Variants in DYNC2I2 observed in about 807,000 individuals in gnomAD.
DYNC2I2 encodes dynein 2 intermediate chain 2.
A neutral mutation model predicts 52.0 loss-of-function variants in DYNC2I2; 39 were observed. The ratio of observed to expected loss-of-function variants is 0.75; its 90% CI spans 0.58 to 0.98. DYNC2I2 has a LOEUF of 0.98. Ranked by LOEUF, DYNC2I2 falls within the 50% of genes least tolerant of loss-of-function variation. The pLI, the probability that DYNC2I2 is intolerant of heterozygous loss-of-function variation, is 0.00. For synonymous variants in DYNC2I2, 359 were observed against 321.1 expected (o/e 1.12, Z -1.26); for missense variants, 743 against 728.4 (o/e 1.02, Z -0.23).
chr9:128,679,403 C>T, the DYNC2I2 span, among the ~76,000 whole-genome samples: 42 of 152,246 alleles, frequency 2.8e-4, no homozygotes, highest in Admixed American at 7.2e-4. Context: ...CCAGAGAAAG[C>T]TCAGCTTTTT....
At chr9:128,640,383 C>T (rs1043027021) in intron 2 of DYNC2I2, among the ~76,000 whole-genome samples, 6 of 152,184 alleles carry the variant, frequency 3.9e-5, no homozygotes, top group East Asian at 1.9e-4. Context: ...GCAGGGCAGC[C>T]GGGCCACCCA....
chr9:128,640,323 T>C (rs531946618), intron 2 of DYNC2I2, among the ~76,000 whole-genome samples: 3 of 152,288 alleles, frequency 2.0e-5, no homozygotes, highest in African/African-American at 7.2e-5. Context: ...GAGACATTCT[T>C]AAACTGTGCC....
chr9:128,656,244 G>T (rs1173184185), intron 1 of DYNC2I2, among the ~76,000 whole-genome samples: 2 of 151,890 alleles, frequency 1.3e-5, no homozygotes, highest in African/African-American at 4.8e-5. Context: ...AAAAAAAGTT[G>T]TTTGAAATGC....
At chr9:128,667,114 G>C in the DYNC2I2 span, among the ~76,000 whole-genome samples, 42 of 150,442 alleles carry the variant, frequency 2.8e-4, no homozygotes, top group African/African-American at 1.0e-3. Flanking sequence ...CAGGAGAATC[G>C]CTTGAACCCG....
chr9:128,661,974 G>A, the DYNC2I2 span, among the ~76,000 whole-genome samples: 1 of 152,018 alleles, frequency 6.6e-6, no homozygotes, highest in Non-Finnish European at 1.5e-5. Context: ...CCTGGGAGGT[G>A]GAGGTTGCTG....
intron 2 of DYNC2I2, 37 bp downstream of exon 2, chr9:128,640,654 G>C (rs538632456): frequency 1.3e-6 from 2 of 1,591,582 alleles, no homozygotes; most frequent in East Asian, 2.2e-5. Context: ...AAGTGGGGCA[G>C]GGGCTCGACC....
chr9:128,678,574 G>A, the DYNC2I2 span, among the ~76,000 whole-genome samples: 1 of 141,532 alleles, frequency 7.1e-6, no homozygotes, highest in East Asian at 2.1e-4. Context: ...CGATTCTCCT[G>A]CCTCAGCTTC....
chr9:128,638,755 G>A (rs1860459007), intron 2 of DYNC2I2, among the ~76,000 whole-genome samples: 1 of 152,158 alleles, frequency 6.6e-6, no homozygotes, highest in Non-Finnish European at 1.5e-5. Flanking sequence ...ATGTCCACAA[G>A]AGCATGACTC....
chr9:128,672,857 T>C, the DYNC2I2 span, among the ~76,000 whole-genome samples: 13 of 152,154 alleles, frequency 8.5e-5, no homozygotes, highest in South Asian at 2.7e-3. Flanking sequence ...ACCCCGTGTC[T>C]ACTAAAAATA....
the DYNC2I2 span, among the ~76,000 whole-genome samples, chr9:128,679,758 T>C: frequency 6.7e-6 from 1 of 150,324 alleles, no homozygotes; most frequent in Admixed American, 6.6e-5. Context: ...GTGATTCTCC[T>C]GTCTCAGCCT....
chr9:128,648,438 T>C (rs1860656698), intron 1 of DYNC2I2, among the ~76,000 whole-genome samples: 1 of 151,584 alleles, frequency 6.6e-6, no homozygotes, highest in Non-Finnish European at 1.5e-5. Flanking sequence ...GGGTGCCATA[T>C]GCTAGAGAAT....
the DYNC2I2 span, among the ~76,000 whole-genome samples, chr9:128,665,685 G>C: frequency 1.3e-5 from 2 of 149,920 alleles, no homozygotes; most frequent in African/African-American, 4.9e-5. Context: ...CAGGAAAATC[G>C]CTTGAACTCG....
rs897734928 is a variant in DYNC2I2, at chr9:128,635,080, G to A, written c.981+12C>T. 2 of 1,604,204 alleles carry A rather than the reference G, an allele frequency of 1.2e-6. No individual in the cohort carries two copies. Among genetic ancestry groups the A allele is most frequent in the Admixed American group, 1.7e-5 (1 of 59,478 alleles). On this transcript the variant is annotated intron_variant, in intron 6 of 8. Coordinates refer to ENST00000372715, the MANE Select transcript of DYNC2I2 (RefSeq NM_052844.4). Reference sequence around the variant, plus strand: ...CGGCGCAGGCCAGGGCAGTTTCCGGGTGCCCACGTACCTTCTTGAGCTTGG... The same window carrying A: ...CGGCGCAGGCCAGGGCAGTTTCCGGATGCCCACGTACCTTCTTGAGCTTGG...
chr9:128,656,889 G>T (rs889123124), upstream of DYNC2I2: 2 of 735,662 alleles, frequency 2.7e-6, no homozygotes, highest in Non-Finnish European at 3.9e-6. Context: ...GATTCTTCTC[G>T]GCCAGAGAGA....
intron 7 of DYNC2I2, 28 bp from the exon 8 acceptor site, chr9:128,634,411 G>C (rs1047323002): frequency 6.4e-7 from 1 of 1,555,546 alleles, no homozygotes; most frequent in Non-Finnish European, 8.7e-7. Flanking sequence ...GGCCAGGCAA[G>C]GGAATCAGTG....
the DYNC2I2 span, among the ~76,000 whole-genome samples, chr9:128,680,401 G>A: frequency 1.3e-5 from 2 of 150,160 alleles, no homozygotes; most frequent in South Asian, 2.1e-4. Flanking sequence ...TTTTTGAGAC[G>A]GAGTCTTGCT....
At chr9:128,637,129 C>T in intron 2 of DYNC2I2, 102 bp from the exon 3 acceptor site, 2 of 727,870 alleles carry the variant, frequency 2.7e-6, no homozygotes, top group Admixed American at 2.4e-5. Flanking sequence ...GCCCTAGAGG[C>T]CCTCAAGTCC....
At chr9:128,661,549 T>A (rs1860918718), upstream of DYNC2I2, among the ~76,000 whole-genome samples, 1 of 151,816 alleles carries the variant, frequency 6.6e-6, no homozygotes, top group South Asian at 2.1e-4. Flanking sequence ...ACCCAGGAAG[T>A]GGAGGTTGGA....
chr9:128,660,646 C>T (rs1343500371), upstream of DYNC2I2, among the ~76,000 whole-genome samples: 1 of 152,166 alleles, frequency 6.6e-6, no homozygotes, highest in Admixed American at 6.6e-5. Context: ...CCGCCCACCT[C>T]AGCCTCCCAA....
Sources: allele counts gnomAD v4.1 joint callset (sites outside exome capture counted in the v4.1 genomes callset), GRCh38; gene constraint gnomAD v4.1.1; transcripts MANE v1.5; gene names NCBI Gene and HGNC (gene_info 2026-07-23, HGNC 2026-07-21).